ATRNL1: variants seen among roughly 807,000 people sequenced by gnomAD.
ATRNL1 encodes the protein attractin like 1.
ATRNL1 carries 95 observed loss-of-function variants against 182.7 expected under a neutral mutation model. That is an observed-to-expected ratio of 0.52 (90% CI 0.44 to 0.62). The LOEUF (loss-of-function observed/expected upper bound fraction) is 0.62, where lower values mean the gene tolerates loss of function less well. Ranked by LOEUF, ATRNL1 falls within the 20% of genes least tolerant of loss-of-function variation. The probability of loss-of-function intolerance (pLI) is 0.00; values close to 1 mark genes in which losing one functional copy is unlikely to be tolerated. For synonymous variants in ATRNL1, 576 were observed against 568.3 expected (o/e 1.01, Z -0.19); for missense variants, 1,471 against 1,679.5 (o/e 0.88, Z 2.17).
At chr10:115,738,392 G>A (rs914079381) in intron 27 of ATRNL1, among the ~76,000 whole-genome samples, 9 of 151,734 alleles carry the variant, frequency 5.9e-5, no homozygotes, top group Admixed American at 2.0e-4. Context: ...CACCTGCCTC[G>A]ACCTCCCAAA....
intron 20 of ATRNL1, among the ~76,000 whole-genome samples, chr10:115,415,579 A>G (rs186906020): frequency 6.6e-5 from 10 of 151,566 alleles, no homozygotes; most frequent in South Asian, 2.1e-4. Flanking sequence ...TTGGAATTTT[A>G]TTCATGGTTA....
intron 5 of ATRNL1, among the ~76,000 whole-genome samples, chr10:115,144,341 G>A (rs1470143587): frequency 6.6e-6 from 1 of 152,126 alleles, no homozygotes; most frequent in South Asian, 2.1e-4. Flanking sequence ...GTAGAGACGG[G>A]GTTTCATGGG....
chr10:115,573,362 T>C (rs1555004059), intron 26 of ATRNL1, among the ~76,000 whole-genome samples: 1 of 151,878 alleles, frequency 6.6e-6, no homozygotes, highest in African/African-American at 2.4e-5. Flanking sequence ...CATTGTTCCA[T>C]TGTCTGTCTG....
intron 28 of ATRNL1, among the ~76,000 whole-genome samples, chr10:115,915,434 A>G (rs533895882): frequency 5.3e-5 from 8 of 152,244 alleles, no homozygotes; most frequent in Non-Finnish European, 1.2e-4. Flanking sequence ...GTTACAATGA[A>G]GCCAAGTGCT....
At chr10:115,124,522 A>G (rs1050320295) in intron 3 of ATRNL1, among the ~76,000 whole-genome samples, 2 of 152,106 alleles carry the variant, frequency 1.3e-5, no homozygotes, top group Admixed American at 6.5e-5. Context: ...TTGAAGTTTC[A>G]TTATGTAGCC....
At chr10:115,138,776 T>A (rs1259780516) in intron 5 of ATRNL1, among the ~76,000 whole-genome samples, 1 of 152,330 alleles carries the variant, frequency 6.6e-6, no homozygotes, top group African/African-American at 2.4e-5. Flanking sequence ...ATTGTCTTGG[T>A]GATTAACATT....
intron 28 of ATRNL1, among the ~76,000 whole-genome samples, chr10:115,890,125 G>C (rs910460327): frequency 6.6e-6 from 1 of 152,126 alleles, no homozygotes; most frequent in African/African-American, 2.4e-5. Flanking sequence ...ACATTAAATC[G>C]TGAAGGTGTT....
intron 26 of ATRNL1, among the ~76,000 whole-genome samples, chr10:115,721,423 C>G (rs552603769): frequency 6.6e-6 from 1 of 152,186 alleles, no homozygotes; most frequent in South Asian, 2.1e-4. Context: ...TTTCACACTA[C>G]TGATAAAGAC....
chr10:115,213,154 G>A (rs747955531), intron 8 of ATRNL1, among the ~76,000 whole-genome samples: 7 of 151,686 alleles, frequency 4.6e-5, no homozygotes, highest in African/African-American at 9.7e-5. Context: ...TCTTGTTGTC[G>A]GTATGACAGG....
At chr10:115,202,752 G>A (rs1554892762) in intron 8 of ATRNL1, among the ~76,000 whole-genome samples, 1 of 143,730 alleles carries the variant, frequency 7.0e-6, no homozygotes, top group Admixed American at 7.0e-5. Flanking sequence ...CTCATAAAAT[G>A]AGTTAGGGAG....
intron 25 of ATRNL1, among the ~76,000 whole-genome samples, chr10:115,530,873 G>A (rs1278268568): frequency 2.1e-5 from 3 of 146,332 alleles, no homozygotes; most frequent in African/African-American, 7.6e-5. Context: ...GTGAGAACAT[G>A]TGGTGTTTGG....
intron 27 of ATRNL1, among the ~76,000 whole-genome samples, chr10:115,749,091 T>G (rs1948373803): frequency 6.6e-6 from 1 of 151,948 alleles, no homozygotes; most frequent in South Asian, 2.1e-4. Flanking sequence ...ATTGATGTTC[T>G]TAAGTTAATC....
intron 27 of ATRNL1, among the ~76,000 whole-genome samples, chr10:115,801,105 T>C (rs1949782525): frequency 1.3e-5 from 2 of 152,246 alleles, no homozygotes; most frequent in African/African-American, 2.4e-5. Flanking sequence ...CCATCTGTAG[T>C]CCTAGTCTGT....
Position 115,389,540 on chromosome 10 carries a change from GTATATATATATATATATA to G in ATRNL1, c.3176-5085_3176-5068del, listed in dbSNP as rs58155967. On this transcript the variant is annotated intron_variant, in intron 19 of 28. Transcript: ENST00000355044. ...CTGAATAGTATTCAAATGTGTATGT[GTATATATATATATATATA>G]TATATATATATATATATATATATAT... is the stretch of plus-strand genomic sequence containing the variant. 6.7e-3 allele frequency among the ~76,000 whole-genome samples: 300 copies of G among 44,488 alleles called. 18 individuals are homozygous for G. The highest frequency in any genetic ancestry group is 0.025 in the Middle Eastern group (1 of 40). The allele number at this position is 44,488 out of a possible 152,430, so 29.2% of individuals were successfully genotyped here.
At chr10:115,747,102 T>C (rs1172111476) in intron 27 of ATRNL1, among the ~76,000 whole-genome samples, 1 of 152,076 alleles carries the variant, frequency 6.6e-6, no homozygotes, top group Admixed American at 6.6e-5. Context: ...TGAGCAATAG[T>C]AGTTGGGATT....
chr10:115,570,136 A>AT (rs577087383), intron 26 of ATRNL1, among the ~76,000 whole-genome samples: 10 of 151,960 alleles, frequency 6.6e-5, no homozygotes, highest in South Asian at 2.1e-4. Flanking sequence ...TAATTTTTGT[A>AT]TTTTTTTAGT....
chr10:115,706,383 C>T (rs1946898522), intron 26 of ATRNL1, among the ~76,000 whole-genome samples: 1 of 151,818 alleles, frequency 6.6e-6, no homozygotes, highest in East Asian at 1.9e-4. Flanking sequence ...GAAAAAATCC[C>T]CATCTTAAGA....
At chr10:115,815,404 GGTGTGTGTGTATGTGTGTGTGT>G (rs1348688390) in intron 27 of ATRNL1, among the ~76,000 whole-genome samples, 4 of 98,052 alleles carry the variant, frequency 4.1e-5, no homozygotes, top group East Asian at 3.1e-4. Context: ...ACTGGTATGT[GGTGTGTGTGTATGTGTGTGTGT>G]GTGTGTGTGT....
At chr10:115,611,571 G>A (rs1455911929) in intron 26 of ATRNL1, among the ~76,000 whole-genome samples, 3 of 152,014 alleles carry the variant, frequency 2.0e-5, no homozygotes, top group African/African-American at 4.8e-5. Flanking sequence ...GATATTTGTA[G>A]TGAGGAAATA....
Sources: allele counts gnomAD v4.1 joint callset (sites outside exome capture counted in the v4.1 genomes callset), GRCh38; gene constraint gnomAD v4.1.1; transcripts MANE v1.5; gene names NCBI Gene and HGNC (gene_info 2026-07-23, HGNC 2026-07-21).